FBN1: variants seen among roughly 807,000 people sequenced by gnomAD.
FBN1 encodes the protein fibrillin-1.
FBN1 carries 29 observed loss-of-function variants against 365.1 expected under a neutral mutation model. That is an observed-to-expected ratio of 0.08 (90% CI 0.06 to 0.11). FBN1 has a LOEUF of 0.11. Ranked by LOEUF, FBN1 falls within the 10% of genes least tolerant of loss-of-function variation. The pLI is 1.00. For missense variants in FBN1, 2,476 were observed against 3,703.2 expected (o/e 0.67, Z 8.60); for synonymous variants, 1,210 against 1,270.5 (o/e 0.95, Z 1.01).
rs147711218 is a variant in FBN1 at position 48,571,000 on chromosome 15, G to A, written c.538+25283C>T. 1.3e-3 allele frequency among the ~76,000 whole-genome samples: 194 copies of A among 152,312 alleles called. 2 individuals are homozygous for A. Among genetic ancestry groups the A allele is most frequent in the African/African-American group, 4.5e-3 (188 of 41,560 alleles). ...GGTACATTGTTTGCTGGAAAGCAGA[G>A]TTCACAAGCCCCAGAGAAAGGCCAA... On this transcript the variant is annotated intron_variant, in intron 6 of 65. Transcript: ENST00000316623.
chr15:48,526,293 C>T, intron 8 of FBN1, 38 bp from the exon 9 acceptor site: 1 of 1,611,498 alleles, frequency 6.2e-7, no homozygotes, highest in Non-Finnish European at 8.5e-7. Context: ...ATTTGTAGAA[C>T]ACAATATAAA....
Position 48,410,701 on chromosome 15 carries a change from T to G in FBN1, c.*289A>C. 1 of 384,094 alleles carries G rather than the reference T, an allele frequency of 2.6e-6. No homozygotes were observed. Among genetic ancestry groups the G allele is most frequent in the Non-Finnish European group, 4.7e-6 (1 of 213,120 alleles). The allele number at this position is 384,094 out of a possible 1,614,324, so 23.8% of individuals were successfully genotyped here. On this transcript the variant is annotated 3_prime_UTR_variant, in exon 66 of 66. Coordinates refer to ENST00000316623, the MANE Select transcript of FBN1 (RefSeq NM_000138.5). ...GTACGTTTGCTGGAAGGATGGCATG[T>G]CAGCATAAATGGCCAACCCCCAATG...
intron 6 of FBN1, 37 bp downstream of exon 6, chr15:48,596,246 A>C: frequency 6.4e-7 from 1 of 1,572,806 alleles, no homozygotes; most frequent in Non-Finnish European, 8.8e-7. Flanking sequence ...TTTAGGTACC[A>C]GCATGTCTTT....
chr15:48,443,136 T>C (rs2043129430), intron 49 of FBN1, among the ~76,000 whole-genome samples: 1 of 152,210 alleles, frequency 6.6e-6, no homozygotes, highest in African/African-American at 2.4e-5. Context: ...CATCATGCCA[T>C]GTTATTGGGT....
At chr15:48,464,043 G>A in intron 40 of FBN1, 22 bp from the exon 41 acceptor site, 2 of 1,612,698 alleles carry the variant, frequency 1.2e-6, no homozygotes, top group South Asian at 1.1e-5. Flanking sequence ...AGAGAAAGTG[G>A]TATGTGAATA....
Position 48,483,826 on chromosome 15 carries a change from G to C in FBN1, c.3830C>G (p.Thr1277Ser), listed in dbSNP as rs1372986456. 3 of 1,613,482 alleles carry C rather than the reference G, an allele frequency of 1.9e-6. No homozygotes were observed. The highest frequency in any genetic ancestry group is 2.5e-6 in the Non-Finnish European group (3 of 1,179,998). ...CTGTCTTCTTTGCTTACCTACACAA[G>C]TCTTCATGTCTTCAGATGCCATGAA... is the stretch of plus-strand genomic sequence containing the variant. Reference protein sequence around the residue: ...DGFMASEDMKTCVDVNECDLN... With the variant: ...DGFMASEDMKSCVDVNECDLN... The change falls in exon 31 of 66, where the codon ACT becomes AGT. Residue 1277 changes from threonine (T) to serine (S), a missense_variant. Coordinates refer to ENST00000316623, the MANE Select transcript of FBN1 (RefSeq NM_000138.5).
At position 48,415,655 on chromosome 15, in the gene FBN1, T is replaced by A. The variant is rs1597509710; in HGVS notation, c.7932A>T (p.Gly2644=). Residue 2644 remains glycine, a synonymous_variant, in exon 64 of 66, where the codon GGA becomes GGT. Transcript: ENST00000316623. ...CACATTCATTGATGTCTTGGCATCC[T>A]CCACTGAACTGTTCATACTGGAAGC... ...PAGFQYEQFS[G]GCQDINECGS... 13 of 1,614,218 alleles carry A rather than the reference T, an allele frequency of 8.1e-6. No individual in the cohort carries two copies. The highest frequency in any genetic ancestry group is 1.1e-5 in the Non-Finnish European group (13 of 1,180,006).
intron 6 of FBN1, among the ~76,000 whole-genome samples, chr15:48,560,539 A>G (rs1681326678): frequency 6.6e-6 from 1 of 152,142 alleles, no homozygotes; most frequent in South Asian, 2.1e-4. Context: ...CTTGGTAGTT[A>G]GGTGCAGAGT....
chr15:48,425,999 G>T (rs2042977285), intron 58 of FBN1, 135 bp from the exon 59 acceptor site: 3 of 693,296 alleles, frequency 4.3e-6, no homozygotes, highest in Non-Finnish European at 2.6e-6. Flanking sequence ...CCAGTAAGAT[G>T]ACAGCATAAA....
chr15:48,623,170 A>G (rs1162844474), intron 2 of FBN1, among the ~76,000 whole-genome samples: 1 of 152,264 alleles, frequency 6.6e-6, no homozygotes, highest in African/African-American at 2.4e-5. Context: ...TAAAGGCAAT[A>G]GTGAGTACGA....
chr15:48,631,478 G>C (rs1889988160), intron 2 of FBN1, among the ~76,000 whole-genome samples: 1 of 152,186 alleles, frequency 6.6e-6, no homozygotes, highest in Non-Finnish European at 1.5e-5. Context: ...GTGCAGATGT[G>C]TTGTGTTTGC....
chr15:48,619,948 A>G (rs1889735642), intron 2 of FBN1, among the ~76,000 whole-genome samples: 2 of 152,208 alleles, frequency 1.3e-5, no homozygotes, highest in Non-Finnish European at 2.9e-5. Context: ...ACCTATATGA[A>G]TGCCAAATCA....
chr15:48,616,771 G>A (rs1566938956), intron 2 of FBN1, among the ~76,000 whole-genome samples: 1 of 152,112 alleles, frequency 6.6e-6, no homozygotes, highest in Non-Finnish European at 1.5e-5. Flanking sequence ...TGTGCAAGTA[G>A]CAATAACATT....
chr15:48,567,503 G>T (rs1405211757), intron 6 of FBN1, among the ~76,000 whole-genome samples: 2 of 151,990 alleles, frequency 1.3e-5, no homozygotes, highest in African/African-American at 4.8e-5. Flanking sequence ...GCCAGACGAA[G>T]ACATGAAAAG....
chr15:48,430,926 G>GT, intron 55 of FBN1, 124 bp from the exon 56 acceptor site: 1 of 880,078 alleles, frequency 1.1e-6, no homozygotes, highest in East Asian at 2.7e-5. Flanking sequence ...ACTACTGGCT[G>GT]TATTTCCTTC....
Position 48,430,784 on chromosome 15 carries a change from T to G in FBN1, c.6758A>C (p.Glu2253Ala). ...TTTTTCAGTACAGTCATGTTTTCCC[T>G]CTTCACACTCATCCTCATCTGTAAA... ...RMCKDEDECE[E>A]GKHDCTEKQM... is the part of the protein sequence containing the mutation. The change falls in exon 56 of 66, where the codon GAG becomes GCG. Residue 2253 changes from glutamate (E) to alanine (A), a missense_variant. By Grantham distance (107) the Glu-to-Ala change is moderately radical (BLOSUM62 -1). Around this residue, in one of 5 missense-constraint regions of FBN1, gnomAD observed 1,780 missense variants for 2,840.8 expected, o/e 0.63. Transcript: ENST00000316623. The G allele has an allele frequency of 6.2e-7, 1 of 1,613,820 alleles. No homozygotes were observed. The highest frequency in any genetic ancestry group is 2.2e-5 in the East Asian group (1 of 44,878).
intron 4 of FBN1, among the ~76,000 whole-genome samples, chr15:48,608,028 A>G (rs1009662246): frequency 1.3e-5 from 2 of 152,218 alleles, no homozygotes; most frequent in East Asian, 3.8e-4. Context: ...GAGTGTCGAG[A>G]GTTCCACCAG....
At chr15:48,509,430 T>G (rs1022031971) in intron 14 of FBN1, among the ~76,000 whole-genome samples, 7 of 147,842 alleles carry the variant, frequency 4.7e-5, no homozygotes, top group African/African-American at 1.7e-4. Flanking sequence ...ATATTTTAGA[T>G]ATATATAATA....
chr15:48,415,216 A>C (rs897728806), intron 64 of FBN1, among the ~76,000 whole-genome samples: 31 of 152,198 alleles, frequency 2.0e-4, no homozygotes, highest in African/African-American at 7.2e-4. Flanking sequence ...CAGTTCTGTC[A>C]TGGGTTGGCA....
Sources: allele counts gnomAD v4.1 joint callset (sites outside exome capture counted in the v4.1 genomes callset), GRCh38; gene constraint gnomAD v4.1.1; regional missense constraint gnomAD v4.1.1; transcripts MANE v1.5; gene names NCBI Gene and HGNC (gene_info 2026-07-23, HGNC 2026-07-21).